Variants in CSMD1 observed in about 807,000 individuals in gnomAD.
CSMD1 encodes the protein CUB and Sushi multiple domains 1.
A neutral mutation model predicts 417.5 loss-of-function variants in CSMD1; 213 were observed. The ratio of observed to expected loss-of-function variants is 0.51; its 90% confidence interval spans 0.46 to 0.57. CSMD1 has a LOEUF of 0.57. Among genes scored for constraint, CSMD1 ranks in the 20% least tolerant of loss-of-function variants. The pLI, the probability that CSMD1 is intolerant of heterozygous loss-of-function variation, is 0.00. For synonymous variants in CSMD1, 2,862 were observed against 1,736.8 expected, an observed-to-expected ratio of 1.65 and a Z score of -16.11; for missense variants, 6,923 against 4,529.7, an observed-to-expected ratio of 1.53 and a Z score of -15.17.
intron 6 of CSMD1, among the ~76,000 whole-genome samples, chr8:3,735,127 A>G (rs1307125858): frequency 1.3e-5 from 2 of 152,362 alleles, no homozygotes; most frequent in South Asian, 2.1e-4. Context: ...ACTCTTTTCA[A>G]TCACCAGCAT....
At chr8:4,508,563 C>G (rs572330804) in intron 2 of CSMD1, among the ~76,000 whole-genome samples, 24 of 152,052 alleles carry the variant, frequency 1.6e-4, no homozygotes, top group African/African-American at 5.5e-4. Context: ...TTAAAGAGAT[C>G]AAAGAGAATC....
At chr8:3,867,039 G>C (rs1394907336) in intron 5 of CSMD1, among the ~76,000 whole-genome samples, 1 of 152,116 alleles carries the variant, frequency 6.6e-6, no homozygotes, top group Non-Finnish European at 1.5e-5. Context: ...TAATGCACTT[G>C]TAGAATTGCT....
chr8:4,778,779 A>G (rs543132258), intron 1 of CSMD1, among the ~76,000 whole-genome samples: 161 of 152,364 alleles, frequency 1.1e-3, no homozygotes, highest in African/African-American at 3.6e-3. Flanking sequence ...TTAGGAGAAC[A>G]TAACATACAC....
intron 26 of CSMD1, among the ~76,000 whole-genome samples, chr8:3,279,941 T>G (rs890609283): frequency 2.0e-5 from 3 of 152,148 alleles, no homozygotes; most frequent in African/African-American, 7.2e-5. Flanking sequence ...AAGGTGAGAT[T>G]TGGGTGGGGA....
chr8:4,877,706 T>C (rs1483835708), intron 1 of CSMD1, among the ~76,000 whole-genome samples: 1 of 152,116 alleles, frequency 6.6e-6, no homozygotes, highest in East Asian at 1.9e-4. Flanking sequence ...ATTATTTCCA[T>C]ATTATCTTTA....
chr8:4,100,674 T>G (rs187732785), intron 3 of CSMD1, among the ~76,000 whole-genome samples: 2 of 152,124 alleles, frequency 1.3e-5, no homozygotes, highest in Admixed American at 1.3e-4. Flanking sequence ...GGTGCTGAAA[T>G]TGCCATTCAT....
chr8:3,410,336 CA>C (rs1208664423), intron 12 of CSMD1, among the ~76,000 whole-genome samples: 1 of 152,152 alleles, frequency 6.6e-6, no homozygotes, highest in Non-Finnish European at 1.5e-5. Context: ...ATAAATGAGA[CA>C]AAATCCTCGC....
intron 12 of CSMD1, among the ~76,000 whole-genome samples, chr8:3,421,928 G>A (rs1205517386): frequency 3.9e-5 from 6 of 152,154 alleles, no homozygotes; most frequent in Admixed American, 6.6e-5. Context: ...GTGAGCCACG[G>A]CGCCCGGCCC....
At chr8:4,785,082 C>A (rs1585093999) in intron 1 of CSMD1, among the ~76,000 whole-genome samples, 1 of 152,184 alleles carries the variant, frequency 6.6e-6, no homozygotes, top group African/African-American at 2.4e-5. Flanking sequence ...AAGAAGGAAT[C>A]TCTCTGGGTC....
At chr8:4,751,110 A>T (rs1612370) in intron 1 of CSMD1, among the ~76,000 whole-genome samples, 1 of 152,076 alleles carries the variant, frequency 6.6e-6, no homozygotes, top group African/African-American at 2.4e-5. Context: ...TCTGCCTGGG[A>T]GCAGTGGCTC....
chr8:4,277,524 A>C (rs540336654), intron 3 of CSMD1, among the ~76,000 whole-genome samples: 20 of 152,204 alleles, frequency 1.3e-4, no homozygotes, highest in African/African-American at 4.6e-4. Flanking sequence ...TTTTTCTTTT[A>C]TATCTAGAGA....
Position 4,072,420 on chromosome 8 carries a change from ATAT to A in CSMD1, c.416-40324_416-40322del, listed in dbSNP as rs1469287003. On this transcript the variant is annotated intron_variant, in intron 3 of 69. Transcript: ENST00000635120. ...TATGTACCAAGCATTTTACACCATT[ATAT>A]TATTTCAATTCTTATTTCTCTGGGA... 1.1e-4 allele frequency among the ~76,000 whole-genome samples: 17 copies of A among 152,288 alleles called. No individual in the cohort carries two copies. In the East Asian group the frequency reaches 2.9e-3, roughly 26 times the overall value.
chr8:4,233,192 C>G (rs1159077157), intron 3 of CSMD1, among the ~76,000 whole-genome samples: 1 of 152,150 alleles, frequency 6.6e-6, no homozygotes, highest in Non-Finnish European at 1.5e-5. Context: ...ATATTGAAAA[C>G]ATATCATTTT....
chr8:3,433,966 G>A (rs997146111), intron 12 of CSMD1, among the ~76,000 whole-genome samples: 2 of 152,152 alleles, frequency 1.3e-5, no homozygotes, highest in African/African-American at 4.8e-5. Context: ...CTCCCCTCTG[G>A]AAGTCTAACG....
At chr8:4,154,328 T>A (rs976013922) in intron 3 of CSMD1, among the ~76,000 whole-genome samples, 6 of 152,214 alleles carry the variant, frequency 3.9e-5, no homozygotes, top group East Asian at 1.9e-4. Context: ...GTTGAAAGGA[T>A]GTAGTCCAGG....
At chr8:3,915,868 G>T (rs1260593301) in intron 5 of CSMD1, among the ~76,000 whole-genome samples, 2 of 148,748 alleles carry the variant, frequency 1.3e-5, no homozygotes, top group African/African-American at 2.5e-5. Flanking sequence ...CTTTTCAATT[G>T]TTTTTGAATA....
At chr8:3,666,922 A>G (rs947387864) in intron 7 of CSMD1, among the ~76,000 whole-genome samples, 2 of 152,192 alleles carry the variant, frequency 1.3e-5, no homozygotes, top group African/African-American at 2.4e-5. Context: ...GGTGCACATG[A>G]TTTACCAGGT....
intron 1 of CSMD1, among the ~76,000 whole-genome samples, chr8:4,778,562 A>G (rs964189161): frequency 6.6e-6 from 1 of 152,200 alleles, no homozygotes; most frequent in Non-Finnish European, 1.5e-5. Flanking sequence ...ACTTCCCGCT[A>G]GGAAGATCAA....
chr8:4,388,530 C>G (rs911092371), intron 3 of CSMD1, among the ~76,000 whole-genome samples: 1 of 146,576 alleles, frequency 6.8e-6, no homozygotes, highest in African/African-American at 2.6e-5. Flanking sequence ...AAGAAGGATA[C>G]AGTGGATTTT....
Sources: allele counts gnomAD v4.1 joint callset (sites outside exome capture counted in the v4.1 genomes callset), GRCh38; gene constraint gnomAD v4.1.1; transcripts MANE v1.5; gene names NCBI Gene and HGNC (gene_info 2026-07-23, HGNC 2026-07-21).